Variants in STX6 observed in about 807,000 individuals in gnomAD.
The protein encoded by STX6 is syntaxin 6, also known as syntaxin-6.
STX6 carries 23 observed loss-of-function variants against 38.0 expected under a neutral mutation model. The observed-to-expected ratio is 0.60, with a 90% CI of 0.43 to 0.86. STX6 has a LOEUF of 0.86. Ranked by LOEUF, STX6 falls within the 40% of genes least tolerant of loss-of-function variation. The pLI, the probability that STX6 is intolerant of heterozygous loss-of-function variation, is 0.00. For synonymous variants in STX6, 123 were observed against 107.5 expected (o/e 1.14, Z -0.89); for missense variants, 274 against 312.9 (o/e 0.88, Z 0.94).
intron 7 of STX6, among the ~76,000 whole-genome samples, chr1:180,984,063 CAAAAAAA>C (rs10625558): frequency 2.9e-3 from 21 of 7,166 alleles, no homozygotes; most frequent in East Asian, 0.014. Context: ...GGCTCCATCT[CAAAAAAA>C]AAAAAAAAAA....
intron 1 of STX6, among the ~76,000 whole-genome samples, chr1:181,011,754 C>G (rs1432570155): frequency 6.6e-6 from 1 of 152,192 alleles, no homozygotes; most frequent in Non-Finnish European, 1.5e-5. Flanking sequence ...GGAGTTGTTT[C>G]AGTATCAGTT....
chr1:181,005,206 T>A, intron 2 of STX6, 88 bp downstream of exon 2: 1 of 1,525,370 alleles, frequency 6.6e-7, no homozygotes, highest in Non-Finnish European at 8.8e-7. Context: ...TTATAAAATG[T>A]TTCATCTACA....
intron 7 of STX6, among the ~76,000 whole-genome samples, chr1:180,981,201 C>T (rs1347348113): frequency 1.3e-5 from 2 of 152,038 alleles, no homozygotes; most frequent in African/African-American, 2.4e-5. Context: ...GATGTGTTAG[C>T]GTAGGCTGAT....
intron 6 of STX6, chr1:180,987,935 A>C (rs1655635929): frequency 4.5e-6 from 1 of 220,284 alleles, no homozygotes; most frequent in East Asian, 1.3e-4. Flanking sequence ...CACAGGTTAC[A>C]GAGGCTTCTC....
In STX6 at chr1:180,984,666, G is replaced by T; in HGVS notation, c.691+11C>A. On this transcript the variant is annotated intron_variant, in intron 7 of 7. Transcript: ENST00000258301. ...AAGTACAAATGCTTAAGCTTTAAAC[G>T]CCATACATACCACTGGTCATATGAG... The T allele has an allele frequency of 2.3e-6, 3 of 1,329,796 alleles. No homozygotes were observed. The highest frequency in any genetic ancestry group is 3.2e-6 in the Non-Finnish European group (3 of 927,158). The allele number at this position is 1,329,796 out of a possible 1,614,324, so 82.4% of individuals were successfully genotyped here.
intron 3 of STX6, among the ~76,000 whole-genome samples, chr1:180,997,730 C>G (rs1029624428): frequency 9.2e-5 from 14 of 152,138 alleles, no homozygotes; most frequent in Non-Finnish European, 1.9e-4. Context: ...TACTACTGAA[C>G]AGCACTTCTC....
chr1:181,016,749 T>C (rs1316739358), intron 1 of STX6, among the ~76,000 whole-genome samples: 1 of 152,222 alleles, frequency 6.6e-6, no homozygotes, highest in Non-Finnish European at 1.5e-5. Context: ...AGCTTACTTA[T>C]GTCATTATTT....
Position 181,005,763 on chromosome 1 carries a change from A to G in STX6, c.36-300T>C, listed in dbSNP as rs888324671. ...CAGACTATACGTAAAAGTATAATGA[A>G]GCAATCCTACAAATTAACTAAAGGG... On this transcript the variant is annotated intron_variant, in intron 1 of 7. Coordinates refer to ENST00000258301, the MANE Select transcript of STX6 (RefSeq NM_005819.6). Among the ~76,000 whole-genome samples, 53 of 152,222 alleles carry G rather than the reference A, an allele frequency of 3.5e-4. 1 individual carries two copies. Among genetic ancestry groups the G allele is most frequent in the Admixed American group, 3.5e-3 (53 of 15,290 alleles).
intron 1 of STX6, among the ~76,000 whole-genome samples, chr1:181,016,475 T>C (rs1455254482): frequency 2.0e-5 from 3 of 152,212 alleles, no homozygotes; most frequent in Non-Finnish European, 4.4e-5. Context: ...AAATTTATAA[T>C]AAAGGCTTGC....
At position 180,975,902 on chromosome 1, in the gene STX6, T is replaced by G. The variant is rs531562089; in HGVS notation, c.*668A>C. 1.3e-5 allele frequency: 2 copies of G among 152,476 alleles called. No individual in the cohort carries two copies. Among genetic ancestry groups the G allele is most frequent in the Non-Finnish European group, 2.9e-5 (2 of 68,036 alleles). The allele number at this position is 152,476 out of a possible 1,614,324, so 9.4% of individuals were successfully genotyped here. On this transcript the variant is annotated 3_prime_UTR_variant, in exon 8 of 8. Coordinates refer to ENST00000258301, the MANE Select transcript of STX6 (RefSeq NM_005819.6). Reference sequence around the variant, plus strand: ...TCCTGTCAGTTAAAGCCACAAGTTGTTAGCACCCCCAAACCCCAGGGTGTT... The same window carrying G: ...TCCTGTCAGTTAAAGCCACAAGTTGGTAGCACCCCCAAACCCCAGGGTGTT...
At chr1:180,989,954 C>T in intron 5 of STX6, 30 bp downstream of exon 5, 1 of 1,612,030 alleles carries the variant, frequency 6.2e-7, no homozygotes, top group South Asian at 1.1e-5. Context: ...TTCCCACTGG[C>T]CCGTCCTAAG....
At chr1:180,986,953 C>T (rs1174729740) in intron 6 of STX6, among the ~76,000 whole-genome samples, 7 of 152,214 alleles carry the variant, frequency 4.6e-5, no homozygotes, top group Non-Finnish European at 1.0e-4. Flanking sequence ...ATTCTGGCTA[C>T]TCCAGCTTCC....
intron 1 of STX6, among the ~76,000 whole-genome samples, chr1:181,018,324 A>C (rs1403750250): frequency 7.2e-6 from 1 of 139,706 alleles, no homozygotes; most frequent in East Asian, 2.3e-4. Context: ...TAGAGGTTGC[A>C]GTGAGCTGAG....
intron 1 of STX6, among the ~76,000 whole-genome samples, chr1:181,022,410 C>A (rs1656764014): frequency 6.6e-6 from 1 of 152,098 alleles, no homozygotes; most frequent in Admixed American, 6.5e-5. Context: ...CCAAAAAGGG[C>A]CCCCCACCAC....
chr1:181,012,672 CTTTT>C (rs58296301), intron 1 of STX6, among the ~76,000 whole-genome samples: 1 of 118,922 alleles, frequency 8.4e-6, no homozygotes, highest in Admixed American at 8.9e-5. Flanking sequence ...TTCTTCCATT[CTTTT>C]TTTTTTTTTT....
At chr1:180,980,986 G>A (rs1405053880) in intron 7 of STX6, among the ~76,000 whole-genome samples, 1 of 152,180 alleles carries the variant, frequency 6.6e-6, no homozygotes, top group Admixed American at 6.5e-5. Context: ...CAAAACTATG[G>A]AGACAGTCAA....
intron 6 of STX6, 97 bp downstream of exon 6, chr1:180,988,141 AT>A: frequency 1.3e-6 from 1 of 790,364 alleles, no homozygotes; most frequent in Non-Finnish European, 2.1e-6. Context: ...ATAGCTTTTG[AT>A]TTTACCAGCC....
chr1:181,016,951 A>G (rs111738101), intron 1 of STX6, among the ~76,000 whole-genome samples: 2,075 of 152,034 alleles, frequency 0.014, 55 homozygotes, highest in African/African-American at 0.047. Context: ...TCCGGGCGTG[A>G]TGGCGGGCTA....
chr1:181,013,228 G>C (rs1178083828), intron 1 of STX6, among the ~76,000 whole-genome samples: 2 of 151,854 alleles, frequency 1.3e-5, no homozygotes, highest in South Asian at 4.2e-4. Flanking sequence ...TGAGAAGAAA[G>C]AGTATCTCAG....
Sources: gnomAD v4.1 joint callset for allele counts (sites outside exome capture counted in the v4.1 genomes callset) on GRCh38, gnomAD v4.1.1 for gene constraint, MANE v1.5 for transcripts, NCBI Gene and HGNC (gene_info 2026-07-23, HGNC 2026-07-21) for gene names.